ALDH4A1: variants seen among roughly 807,000 people sequenced by gnomAD.
ALDH4A1 encodes aldehyde dehydrogenase 4 family member A1, also known as delta-1-pyrroline-5-carboxylate dehydrogenase, mitochondrial.
In ALDH4A1, 46 loss-of-function variants were observed where a neutral mutation model predicts 70.5. The ratio of observed to expected loss-of-function variants is 0.65; its 90% CI spans 0.51 to 0.83. ALDH4A1 has a LOEUF of 0.83. ALDH4A1 is among the 40% of genes least tolerant of loss of function. The pLI is 0.00. For synonymous variants in ALDH4A1, 323 were observed against 324.3 expected, an observed-to-expected ratio of 1.00 and a Z score of 0.04; for missense variants, 749 against 766.5, an observed-to-expected ratio of 0.98 and a Z score of 0.27.
intron 11 of ALDH4A1, 32 bp downstream of exon 11, chr1:18,877,176 C>A (rs1183248497): frequency 6.2e-7 from 1 of 1,601,030 alleles, no homozygotes; most frequent in Admixed American, 1.7e-5. Context: ...GGGCTTGCCC[C>A]CACCCAGGAA....
intron 1 of ALDH4A1, among the ~76,000 whole-genome samples, chr1:18,897,334 G>C (rs2100611566): frequency 6.6e-6 from 1 of 152,328 alleles, no homozygotes; most frequent in Admixed American, 6.5e-5. Flanking sequence ...CTTGAGGTCA[G>C]GAGTTCTAGA....
chr1:18,880,810 A>G lies in ALDH4A1; in HGVS notation c.866+890T>C, dbSNP rs1934937944. 6.6e-6 allele frequency among the ~76,000 whole-genome samples: 1 copy of G among 152,228 alleles called. No homozygotes were observed. Among genetic ancestry groups the G allele is most frequent in the African/African-American group, 2.4e-5 (1 of 41,446 alleles). On this transcript the variant is annotated intron_variant, in intron 8 of 14. Transcript: ENST00000375341. This position sits in a 1 kb window ranked among gnomAD's most constrained non-coding sequence, Gnocchi z 5.1. ...ATCACTGTTAGGAGTCAAAGAAAGT[A>G]GAGCCTCTTGCCAGATCCAATTTGG...
Position 18,874,521 on chromosome 1 carries a change from G to A in ALDH4A1, c.1521C>T (p.Asn507=), listed in dbSNP as rs757085430. Residue 507 remains asparagine, a synonymous_variant, in exon 14 of 15, where the codon AAC becomes AAT. Coordinates refer to ENST00000375341, the MANE Select transcript of ALDH4A1 (RefSeq NM_003748.4). ...CCACTATCGAGCCAGTGGACTTGTC[G>A]TTGATGTAGAAGTTGCCGGCAGCAT... ...LRNAAGNFYI[N]DKSTGSIVGQ... is the part of the protein sequence containing the mutation. 1.1e-5 allele frequency: 18 copies of A among 1,614,092 alleles called. No individual in the cohort carries two copies. The highest frequency in any genetic ancestry group is 5.5e-5 in the South Asian group (5 of 91,090).
At position 18,902,530 on chromosome 1, in the gene ALDH4A1, T is replaced by A. The variant is rs9426679; in HGVS notation, c.-7A>T. 2.0e-6 allele frequency: 3 copies of A among 1,485,378 alleles called. No homozygotes were observed. The African/African-American group carries it at 4.3e-5, about 21-fold the overall frequency. The allele number at this position is 1,485,378 out of a possible 1,614,324, so 92.0% of individuals were successfully genotyped here. The stretch of plus-strand genomic sequence containing the variant: ...CGGGCGCCGGCAGCAGCATCTCGGG[T>A]TAGAAGCGGGGCTGTTCGCTGGATC... On this transcript the variant is annotated 5_prime_UTR_variant, in exon 1 of 15. Transcript: ENST00000375341.
chr1:18,890,798 C>CCA, intron 1 of ALDH4A1: 1 of 984,946 alleles, frequency 1.0e-6, no homozygotes, highest in Non-Finnish European at 1.2e-6. Context: ...AGGCTTTATC[C>CCA]CAAAAAGACC....
At chr1:18,889,880 C>G (rs1935367306) in intron 2 of ALDH4A1, 132 bp downstream of exon 2, 2 of 834,446 alleles carry the variant, frequency 2.4e-6, no homozygotes, top group East Asian at 5.4e-5. Flanking sequence ...CCCTCCCAGG[C>G]TTCCACCCAA....
At chr1:18,897,038 C>T (rs757910928) in intron 1 of ALDH4A1, 2 of 532,234 alleles carry the variant, frequency 3.8e-6, no homozygotes, top group South Asian at 2.8e-5. Flanking sequence ...TCACTGAATC[C>T]ACCACATAAG....
In ALDH4A1 at chr1:18,872,503, T is replaced by C. The variant is rs971030180; in HGVS notation, c.*342A>G. The C allele has an allele frequency of 2.9e-5, 6 of 208,306 alleles. No homozygotes were observed. In the East Asian group the frequency reaches 5.6e-4, roughly 19 times the overall value. 12.9% of individuals were successfully genotyped at this position (208,306 alleles called of 1,614,324 possible). On this transcript the variant is annotated 3_prime_UTR_variant, in exon 15 of 15. Coordinates refer to ENST00000375341, the MANE Select transcript of ALDH4A1 (RefSeq NM_003748.4). Reference sequence around the variant, plus strand: ...GCCAAGGGGCCCAGAATGGCCTCCTTTTCCCCAAAGGATCCCAAGAGCTGC... The same window carrying C: ...GCCAAGGGGCCCAGAATGGCCTCCTCTTCCCCAAAGGATCCCAAGAGCTGC...
chr1:18,878,207 C>T (rs952708055), intron 9 of ALDH4A1, among the ~76,000 whole-genome samples: 7 of 152,322 alleles, frequency 4.6e-5, no homozygotes, highest in African/African-American at 1.4e-4. Context: ...CAACTCTGGA[C>T]GAAGTACGCT....
rs1200562209 is a variant in ALDH4A1 at position 18,871,710 on chromosome 1, A to G, written c.*1135T>C. ...CAGGCATCCTGGAGGAAGACCCAAC[A>G]CTTTCACAGTCCCCTAAGAACCATC... On this transcript the variant is annotated 3_prime_UTR_variant, in exon 15 of 15. Coordinates refer to ENST00000375341, the MANE Select transcript of ALDH4A1 (RefSeq NM_003748.4). 1.3e-5 allele frequency: 2 copies of G among 152,198 alleles called. No individual in the cohort carries two copies. Among genetic ancestry groups the G allele is most frequent in the Non-Finnish European group, 2.9e-5 (2 of 68,102 alleles). 9.4% of individuals were successfully genotyped at this position (152,198 alleles called of 1,614,324 possible). A position where few individuals can be genotyped will look rare whatever the true frequency, so the allele number is the denominator to read the frequency against.
At chr1:18,901,563 C>T (rs1935799826) in intron 1 of ALDH4A1, among the ~76,000 whole-genome samples, 1 of 152,166 alleles carries the variant, frequency 6.6e-6, no homozygotes. Flanking sequence ...GAATATTTGT[C>T]ATTGAGTGGG....
At chr1:18,885,444 C>T in intron 5 of ALDH4A1, 29 bp downstream of exon 5, 3 of 902,250 alleles carry the variant, frequency 3.3e-6, no homozygotes, top group Non-Finnish European at 5.2e-6. Flanking sequence ...CCACCCCGCC[C>T]CACCCACCCG....
At chr1:18,882,080 A>G (rs1266529515) in intron 7 of ALDH4A1, among the ~76,000 whole-genome samples, 193 bp from the exon 8 acceptor site, 1 of 152,100 alleles carries the variant, frequency 6.6e-6, no homozygotes, top group Non-Finnish European at 1.5e-5. Context: ...CAAGGAGGCC[A>G]CGGCACAGCC....
chr1:18,876,227 T>C, intron 12 of ALDH4A1, 88 bp downstream of exon 12: 2 of 1,532,060 alleles, frequency 1.3e-6, no homozygotes, highest in Admixed American at 1.7e-5. Flanking sequence ...ATCTGTGAAA[T>C]GGGAGAATGT....
chr1:18,876,506 GA>G, intron 11 of ALDH4A1, 39 bp from the exon 12 acceptor site: 1 of 1,546,746 alleles, frequency 6.5e-7, no homozygotes. Context: ...AAGAGGCTGG[GA>G]AGGCATCCCT....
At position 18,899,723 on chromosome 1, in the gene ALDH4A1, T is replaced by G. The variant is rs539534366; in HGVS notation, c.62+2739A>C. 4.6e-5 allele frequency among the ~76,000 whole-genome samples: 7 copies of G among 152,266 alleles called. No individual in the cohort carries two copies. In the South Asian group the frequency reaches 1.2e-3, roughly 27 times the overall value. On this transcript the variant is annotated intron_variant, in intron 1 of 14. Coordinates refer to ENST00000375341, the MANE Select transcript of ALDH4A1 (RefSeq NM_003748.4). Reference sequence around the variant, plus strand: ...GAGAGGCTGAGTAAAATAATCCACATGAAAAGTAAATGGCAGTCATTGTCA... The same window carrying G: ...GAGAGGCTGAGTAAAATAATCCACAGGAAAAGTAAATGGCAGTCATTGTCA...
intron 1 of ALDH4A1, among the ~76,000 whole-genome samples, chr1:18,892,909 G>A (rs916069328): frequency 2.6e-5 from 4 of 152,078 alleles, no homozygotes; most frequent in African/African-American, 7.3e-5. Flanking sequence ...AGGCAGCCAC[G>A]AGTCTCCACA....
In ALDH4A1 at chr1:18,890,156, C is replaced by A. The variant is rs766523235; in HGVS notation, c.63-51G>T. ...GGCAGAGAGGTCAGCAGCGGCCCCA[C>A]CACCAGACCCCAGCCCCTCTACCTC... is the stretch of plus-strand genomic sequence containing the variant. On this transcript the variant is annotated intron_variant, in intron 1 of 14. Coordinates refer to ENST00000375341, the MANE Select transcript of ALDH4A1 (RefSeq NM_003748.4). 3.4e-6 allele frequency: 5 copies of A among 1,455,112 alleles called. No individual in the cohort carries two copies. The East Asian group carries it at 9.5e-5, about 28-fold the overall frequency. The allele number at this position is 1,455,112 out of a possible 1,614,324, so 90.1% of individuals were successfully genotyped here. A position where few individuals can be genotyped will look rare whatever the true frequency, so the allele number is the denominator to read the frequency against.
At chr1:18,889,931 C>T (rs76385044) in intron 2 of ALDH4A1, 81 bp downstream of exon 2, 17 of 1,216,784 alleles carry the variant, frequency 1.4e-5, no homozygotes, top group East Asian at 7.7e-5. Context: ...GCTGCAGGCA[C>T]GGGGCGCTAT....
Sources: gnomAD v4.1 joint callset for allele counts (sites outside exome capture counted in the v4.1 genomes callset) on GRCh38, gnomAD v4.1.1 for gene constraint, Gnocchi (gnomAD v3.1) non-coding constraint, MANE v1.5 for transcripts, NCBI Gene and HGNC (gene_info 2026-07-23, HGNC 2026-07-21) for gene names.